Variants in ADAMTSL1 observed in about 807,000 individuals in gnomAD.
The protein encoded by ADAMTSL1 is ADAMTS-like protein 1.
ADAMTSL1 carries 126 observed loss-of-function variants against 201.8 expected under a neutral mutation model. The ratio of observed to expected loss-of-function variants is 0.62; its 90% CI spans 0.54 to 0.72. The LOEUF (loss-of-function observed/expected upper bound fraction) is 0.72. Ranked by LOEUF, ADAMTSL1 falls within the 30% of genes least tolerant of loss-of-function variation. ADAMTSL1 has a pLI of 0.00. For synonymous variants in ADAMTSL1, 1,121 were observed against 903.4 expected (o/e 1.24, Z -4.32); for missense variants, 2,679 against 2,277.8 (o/e 1.18, Z -3.59).
rs1166079893 is a variant in ADAMTSL1 at position 18,706,919 on chromosome 9, T to C, written c.1747T>C (p.Cys583Arg). 2 of 1,613,882 alleles carry C rather than the reference T, an allele frequency of 1.2e-6. No individual in the cohort carries two copies. The highest frequency in any genetic ancestry group is 1.3e-5 in the African/African-American group (1 of 74,930). Reference protein sequence around the residue: ...ASQRACYAGPCSGEIPEFNPD... With the variant: ...ASQRACYAGPRSGEIPEFNPD... ...CCAGCGTGCCTGTTATGCAGGCCCA[T>C]GCAGCGGGGAAATTCCTGAGTTCAA... The change falls in exon 14 of 29, where the codon TGC (cysteine) becomes CGC (arginine). Residue 583 changes from cysteine to arginine, a missense_variant. By Grantham distance (180) the Cys-to-Arg change is radical. Transcript: ENST00000380548.
In ADAMTSL1 at chr9:18,681,756, G is replaced by A; in HGVS notation, c.1342-56G>A. The A allele has an allele frequency of 4.5e-6, 6 of 1,327,534 alleles. No homozygotes were observed. The South Asian group carries it at 5.6e-5, about 12-fold the overall frequency. The allele number at this position is 1,327,534 out of a possible 1,614,324, so 82.2% of individuals were successfully genotyped here. ...TTAAAAGTTTTCGATGGGAAGTGAA[G>A]AAAAGTAAACAAGGCTTTGCCTACG... is the stretch of plus-strand genomic sequence containing the variant. On this transcript the variant is annotated intron_variant, in intron 11 of 28. Coordinates refer to ENST00000380548, the MANE Select transcript of ADAMTSL1 (RefSeq NM_001040272.6).
At chr9:18,141,760 A>G (rs1017140676) in intron 1 of ADAMTSL1, among the ~76,000 whole-genome samples, 2 of 152,188 alleles carry the variant, frequency 1.3e-5, no homozygotes, top group Admixed American at 6.5e-5. Flanking sequence ...CCTGCACATC[A>G]CATACTCCTG....
intron 19 of ADAMTSL1, among the ~76,000 whole-genome samples, chr9:18,792,272 T>C (rs1233491636): frequency 6.6e-6 from 1 of 152,148 alleles, no homozygotes; most frequent in African/African-American, 2.4e-5. Context: ...TAGAAATTCC[T>C]TATATACCCC....
intron 1 of ADAMTSL1, among the ~76,000 whole-genome samples, chr9:18,498,982 G>A (rs966450345): frequency 1.3e-5 from 2 of 152,242 alleles, no homozygotes; most frequent in African/African-American, 2.4e-5. Context: ...GCGCAAAAGC[G>A]CACTGGAATG....
intron 2 of ADAMTSL1, among the ~76,000 whole-genome samples, chr9:18,462,493 A>T (rs1300758693): frequency 4.6e-5 from 7 of 152,178 alleles, no homozygotes; most frequent in Non-Finnish European, 1.0e-4. Context: ...TACAAATAAA[A>T]TTTTTTATAT....
intron 15 of ADAMTSL1, among the ~76,000 whole-genome samples, chr9:18,732,866 C>T (rs1044194072): frequency 6.6e-6 from 1 of 152,160 alleles, no homozygotes; most frequent in Non-Finnish European, 1.5e-5. Context: ...ATTTATTAAG[C>T]ACTTACAATA....
chr9:18,167,333 A>C (rs934341800), intron 2 of ADAMTSL1, among the ~76,000 whole-genome samples: 1 of 151,926 alleles, frequency 6.6e-6, no homozygotes, highest in African/African-American at 2.4e-5. Flanking sequence ...CCTTGGTATA[A>C]AAGAGAAGTT....
At chr9:18,178,619 A>G (rs368930434) in intron 2 of ADAMTSL1, among the ~76,000 whole-genome samples, 4 of 151,510 alleles carry the variant, frequency 2.6e-5, no homozygotes, top group Non-Finnish European at 1.5e-5. Context: ...GCAGACTTAA[A>G]TGTCCCTGTC....
chr9:18,768,304 G>A (rs966483394), intron 16 of ADAMTSL1, among the ~76,000 whole-genome samples: 5 of 152,122 alleles, frequency 3.3e-5, no homozygotes, highest in African/African-American at 1.2e-4. Context: ...CTACAACCAC[G>A]GAGGAGAGAA....
chr9:18,412,874 A>C (rs1281886930), intron 2 of ADAMTSL1, among the ~76,000 whole-genome samples: 2 of 152,144 alleles, frequency 1.3e-5, no homozygotes, highest in Non-Finnish European at 2.9e-5. Flanking sequence ...CTATTTCTTC[A>C]AGAAGCTCTG....
chr9:18,899,492 C>T (rs565039013), intron 26 of ADAMTSL1, among the ~76,000 whole-genome samples: 1 of 152,166 alleles, frequency 6.6e-6, no homozygotes. Context: ...GTAGTCAAGA[C>T]AATCCTAAGC....
chr9:18,757,114 C>G (rs1819816674), intron 16 of ADAMTSL1, among the ~76,000 whole-genome samples: 1 of 152,324 alleles, frequency 6.6e-6, no homozygotes, highest in East Asian at 1.9e-4. Flanking sequence ...AGTTCTTCCT[C>G]TTAATACTCT....
intron 2 of ADAMTSL1, among the ~76,000 whole-genome samples, chr9:18,296,802 C>T (rs575739878): frequency 6.6e-6 from 1 of 152,124 alleles, no homozygotes; most frequent in African/African-American, 2.4e-5. Flanking sequence ...CAGTGTGGCT[C>T]TCTTGTGGTT....
chr9:18,892,721 A>C (rs1829365148), intron 26 of ADAMTSL1, 125 bp downstream of exon 26: 1 of 1,175,776 alleles, frequency 8.5e-7, no homozygotes, highest in African/African-American at 1.5e-5. Context: ...TTGGCCAGGC[A>C]TAGCTTTTGT....
intron 2 of ADAMTSL1, among the ~76,000 whole-genome samples, chr9:18,258,431 T>C (rs2132522653): frequency 6.6e-6 from 1 of 152,268 alleles, no homozygotes; most frequent in Admixed American, 6.5e-5. Context: ...GAAAGGAGGA[T>C]GGGGAATGCA....
rs147246684 is a variant in ADAMTSL1 at position 18,528,444 on chromosome 9, C to T, written c.192-4803C>T. On this transcript the variant is annotated intron_variant, in intron 2 of 28. Coordinates refer to ENST00000380548, the MANE Select transcript of ADAMTSL1 (RefSeq NM_001040272.6). ...ACATGTGTTCTCATCATTCAGCTCCCGCTTGTAAGTGAGATTGATTTTCTG... is the reference window on the plus strand; with the variant it reads ...ACATGTGTTCTCATCATTCAGCTCCTGCTTGTAAGTGAGATTGATTTTCTG... Among the ~76,000 whole-genome samples, 707 of 152,186 alleles carry T rather than the reference C, an allele frequency of 4.6e-3. 8 individuals carry two copies. Among genetic ancestry groups the T allele is most frequent in the African/African-American group, 0.015 (641 of 41,500 alleles).
At chr9:18,644,856 A>G (rs1827688180) in intron 7 of ADAMTSL1, among the ~76,000 whole-genome samples, 1 of 151,938 alleles carries the variant, frequency 6.6e-6, no homozygotes. Flanking sequence ...ATACGTGTGC[A>G]TGTGTCTTTA....
chr9:18,420,696 C>T (rs1429037067), intron 2 of ADAMTSL1, among the ~76,000 whole-genome samples: 1 of 152,160 alleles, frequency 6.6e-6, no homozygotes, highest in Non-Finnish European at 1.5e-5. Context: ...GAGGATGTTG[C>T]ATTCAACAGG....
intron 7 of ADAMTSL1, among the ~76,000 whole-genome samples, chr9:18,644,400 A>G (rs1156256932): frequency 6.6e-6 from 1 of 151,438 alleles, no homozygotes; most frequent in African/African-American, 2.4e-5. Flanking sequence ...TTTAATTATT[A>G]TTATACTTTA....
Sources: allele counts gnomAD v4.1 joint callset (sites outside exome capture counted in the v4.1 genomes callset), GRCh38; gene constraint gnomAD v4.1.1; transcripts MANE v1.5; gene names NCBI Gene and HGNC (gene_info 2026-07-23, HGNC 2026-07-21).